The following TEX11 variants were observed in gnomAD, a reference collection of about 807,000 sequenced individuals.
TEX11 encodes the protein testis-expressed protein 11.
Under a neutral mutation model 84.4 loss-of-function variants are expected in TEX11, and 7 were observed. The ratio of observed to expected loss-of-function variants is 0.08; its 90% CI spans 0.05 to 0.16. TEX11 has a LOEUF of 0.16. Among genes scored for constraint, TEX11 ranks in the 10% least tolerant of loss-of-function variants. TEX11 has a pLI of 1.00. For synonymous variants in TEX11, 264 were observed against 222.8 expected (o/e 1.18, Z -1.64); for missense variants, 551 against 660.5 (o/e 0.83, Z 1.82).
intron 13 of TEX11, among the ~76,000 whole-genome samples, chrX:70,711,902 C>A (rs1342432497): frequency 9.0e-6 from 1 of 111,614 alleles, no homozygotes; most frequent in African/African-American, 3.3e-5. Context: ...AGGTTTTCTT[C>A]TAGGGTTTTT....
At chrX:70,816,093 CCT>C (rs965915569) in intron 8 of TEX11, among the ~76,000 whole-genome samples, 5 of 110,767 alleles carry the variant, frequency 4.5e-5, no homozygotes, top group Non-Finnish European at 9.4e-5. Flanking sequence ...ACCCTTTCCC[CCT>C]GAGTCCCCAA....
intron 13 of TEX11, among the ~76,000 whole-genome samples, chrX:70,722,112 G>A (rs1204501266): frequency 8.9e-6 from 1 of 111,970 alleles, no homozygotes; most frequent in African/African-American, 3.2e-5. Flanking sequence ...TATTTTAAAT[G>A]TTGTCTGCAT....
At chrX:70,871,115 G>A (rs763209923) in intron 4 of TEX11, among the ~76,000 whole-genome samples, 9 of 112,413 alleles carry the variant, frequency 8.0e-5, no homozygotes, top group South Asian at 3.7e-4. Context: ...GTTTCACTAC[G>A]TTGGCCAGGC....
At chrX:70,532,355 T>C (rs190695900) in intron 28 of TEX11, among the ~76,000 whole-genome samples, 48 of 112,026 alleles carry the variant, frequency 4.3e-4, no homozygotes, top group Middle Eastern at 4.6e-3. Context: ...AGTGATATGA[T>C]GAAAGTGTAG....
At chrX:70,753,406 C>T (rs2090844214) in intron 9 of TEX11, among the ~76,000 whole-genome samples, 1 of 111,294 alleles carries the variant, frequency 9.0e-6, no homozygotes, top group East Asian at 2.8e-4. Flanking sequence ...ACCAGCTCAG[C>T]TACAGTAGGA....
intron 13 of TEX11, among the ~76,000 whole-genome samples, chrX:70,683,427 T>A (rs2090162347): frequency 9.0e-6 from 1 of 111,523 alleles, no homozygotes; most frequent in Non-Finnish European, 1.9e-5. Context: ...GCCTAGGAGT[T>A]TGAGACTAGC....
At chrX:70,890,851 G>A (rs1314033820) in intron 2 of TEX11, among the ~76,000 whole-genome samples, 2 of 112,414 alleles carry the variant, frequency 1.8e-5, no homozygotes, top group African/African-American at 6.4e-5. Flanking sequence ...GAAGAGAGCA[G>A]TGGTTCTCCC....
chrX:70,826,101 C>A (rs1019363296), intron 8 of TEX11, among the ~76,000 whole-genome samples: 4 of 111,017 alleles, frequency 3.6e-5, no homozygotes, highest in Non-Finnish European at 7.5e-5. Flanking sequence ...GTCAGGAGTT[C>A]GAGATCAGCC....
intron 13 of TEX11, among the ~76,000 whole-genome samples, chrX:70,693,312 C>A (rs2090252902): frequency 9.0e-6 from 1 of 111,373 alleles, no homozygotes; most frequent in Non-Finnish European, 1.9e-5. Context: ...AAGTATCTAT[C>A]CTAATAGGTG....
At chrX:70,810,731 G>A (rs1048753637) in intron 8 of TEX11, among the ~76,000 whole-genome samples, 12 of 109,840 alleles carry the variant, frequency 1.1e-4, no homozygotes, top group South Asian at 4.0e-4. Context: ...ACCATGGCAC[G>A]TGTACATCTA....
At chrX:70,511,752 C>CAAAAAAAAA in the TEX11 span, among the ~76,000 whole-genome samples, 11 of 32,726 alleles carry the variant, frequency 3.4e-4, no homozygotes, top group East Asian at 7.7e-4. Context: ...GACTCCATCT[C>CAAAAAAAAA]AAAAAAAAAA....
At chrX:70,548,833 C>T (rs1326887141) in intron 28 of TEX11, among the ~76,000 whole-genome samples, 1 of 111,615 alleles carries the variant, frequency 9.0e-6, no homozygotes, top group Non-Finnish European at 1.9e-5. Context: ...GCAGTCTAGG[C>T]CACAAGGACT....
intron 25 of TEX11, among the ~76,000 whole-genome samples, chrX:70,582,525 C>G (rs997148932): frequency 9.0e-6 from 1 of 111,204 alleles, no homozygotes. Context: ...TATTCTTCAT[C>G]TTCTGTGTAA....
chrX:70,575,371 G>GTGAT (rs1569335878), intron 25 of TEX11, among the ~76,000 whole-genome samples: 1 of 112,026 alleles, frequency 8.9e-6, no homozygotes, highest in Non-Finnish European at 1.9e-5. Flanking sequence ...AATGGCCAAT[G>GTGAT]TGATAGGATA....
intron 7 of TEX11, among the ~76,000 whole-genome samples, chrX:70,840,024 G>A (rs1247293927): frequency 8.9e-6 from 1 of 111,866 alleles, no homozygotes; most frequent in Non-Finnish European, 1.9e-5. Context: ...GAAAGTGATG[G>A]GGAGAATGGA....
At chrX:70,750,926 A>AT (rs2090813780) in intron 9 of TEX11, among the ~76,000 whole-genome samples, 2 of 36,615 alleles carry the variant, frequency 5.5e-5, no homozygotes, top group African/African-American at 2.5e-4. Flanking sequence ...TATAATAAAA[A>AT]AAAAAAAATA....
intron 16 of TEX11, among the ~76,000 whole-genome samples, chrX:70,666,317 G>A (rs1023745488): frequency 8.9e-6 from 1 of 111,840 alleles, no homozygotes. Context: ...GAATTTTAGG[G>A]ATGCAGGAAA....
At chrX:70,843,973 G>C (rs755289187) in intron 7 of TEX11, among the ~76,000 whole-genome samples, 2 of 111,255 alleles carry the variant, frequency 1.8e-5, no homozygotes, top group South Asian at 3.9e-4. Flanking sequence ...AGGTGCTGGA[G>C]AGGATGTGGA....
At position 70,554,519 on chromosome X, in the gene TEX11, G is replaced by A. The variant is rs187324217; in HGVS notation, c.2290+132C>T. ...AAAATAGTCTAAGAATGGCATTAGA[G>A]AAGGAGAAACAAAGTGCTATGAGAA... On this transcript the variant is annotated intron_variant, in intron 26 of 29. Coordinates refer to ENST00000374333, the MANE Select transcript of TEX11 (RefSeq NM_031276.3). The A allele has an allele frequency of 2.6e-3, 1,355 of 528,286 alleles. 15 individuals are homozygous for A. The African/African-American group carries it at 0.03, about 12-fold the overall frequency. The allele number at this position is 528,286 out of a possible 1,213,427, so 43.5% of individuals were successfully genotyped here. A position where few individuals can be genotyped will look rare whatever the true frequency, so the allele number is the denominator to read the frequency against.
Sources: gnomAD v4.1 joint callset for allele counts (sites outside exome capture counted in the v4.1 genomes callset) on GRCh38, gnomAD v4.1.1 for gene constraint, MANE v1.5 for transcripts, NCBI Gene and HGNC (gene_info 2026-07-23, HGNC 2026-07-21) for gene names.